CALN1: variants seen among roughly 807,000 people sequenced by gnomAD.
CALN1 encodes the protein calneuron 1.
CALN1 carries 17 observed loss-of-function variants against 30.6 expected under a neutral mutation model. The ratio of observed to expected loss-of-function variants is 0.56; its 90% CI spans 0.38 to 0.83. The LOEUF (loss-of-function observed/expected upper bound fraction) is 0.83. Ranked by LOEUF, CALN1 falls within the 40% of genes least tolerant of loss-of-function variation. The pLI, the probability that CALN1 is intolerant of heterozygous loss-of-function variation, is 0.00. For missense variants in CALN1, 291 were observed against 354.9 expected, an observed-to-expected ratio of 0.82 and a Z score of 1.45; for synonymous variants, 156 against 131.4, an observed-to-expected ratio of 1.19 and a Z score of -1.28.
chr7:72,410,211 T>C (rs574148963), intron 1 of CALN1, among the ~76,000 whole-genome samples: 2 of 152,146 alleles, frequency 1.3e-5, no homozygotes, highest in South Asian at 4.1e-4. Flanking sequence ...AGCTCTTAAA[T>C]ATGTAAGAGA....
At chr7:72,010,578 G>A (rs893437889) in intron 5 of CALN1, among the ~76,000 whole-genome samples, 4 of 152,126 alleles carry the variant, frequency 2.6e-5, no homozygotes, top group Non-Finnish European at 4.4e-5. Flanking sequence ...TTGGGAGGCC[G>A]AGGTGGGCGA....
At chr7:71,888,906 T>C (rs1584452605) in intron 5 of CALN1, among the ~76,000 whole-genome samples, 1 of 152,196 alleles carries the variant, frequency 6.6e-6, no homozygotes, top group Non-Finnish European at 1.5e-5. Flanking sequence ...GAATGAACAA[T>C]GTTCACCTTC....
At chr7:72,046,088 G>T (rs1473579509) in intron 4 of CALN1, among the ~76,000 whole-genome samples, 4 of 151,470 alleles carry the variant, frequency 2.6e-5, no homozygotes, top group Non-Finnish European at 4.4e-5. Flanking sequence ...TGAGGCAGGA[G>T]AATTGCTTGA....
At chr7:71,872,582 C>T (rs1401809789) in intron 5 of CALN1, among the ~76,000 whole-genome samples, 2 of 151,430 alleles carry the variant, frequency 1.3e-5, no homozygotes, top group African/African-American at 4.9e-5. Context: ...TTATGTCTGT[C>T]TCTATTATAT....
chr7:71,806,513 G>A (rs1334919636), intron 6 of CALN1, among the ~76,000 whole-genome samples: 1 of 152,050 alleles, frequency 6.6e-6, no homozygotes, highest in African/African-American at 2.4e-5. Context: ...CATCATATTG[G>A]TCAGGCTGGT....
chr7:71,973,836 T>G (rs1192914793), intron 5 of CALN1, among the ~76,000 whole-genome samples: 1 of 152,156 alleles, frequency 6.6e-6, no homozygotes, highest in Non-Finnish European at 1.5e-5. Context: ...TCCAGAGACT[T>G]TGGCGTTTTA....
At chr7:72,059,607 T>C (rs1803508011) in intron 4 of CALN1, among the ~76,000 whole-genome samples, 1 of 152,118 alleles carries the variant, frequency 6.6e-6, no homozygotes, top group African/African-American at 2.4e-5. Flanking sequence ...GCTTTCAAGG[T>C]TGCAAATGAC....
chr7:71,958,660 G>A (rs1410654968), intron 5 of CALN1, among the ~76,000 whole-genome samples: 3 of 152,154 alleles, frequency 2.0e-5, no homozygotes, highest in African/African-American at 4.8e-5. Flanking sequence ...CTATGTTTGC[G>A]ATCTCCAAGA....
chr7:72,254,320 C>G (rs1038848224), intron 3 of CALN1, among the ~76,000 whole-genome samples: 3 of 152,196 alleles, frequency 2.0e-5, no homozygotes, highest in Admixed American at 1.3e-4. Context: ...TTGCTCAGGA[C>G]TGCATCAAAT....
At chr7:71,826,967 TCAA>T (rs1383839293) in intron 5 of CALN1, among the ~76,000 whole-genome samples, 10 of 152,148 alleles carry the variant, frequency 6.6e-5, no homozygotes, top group Non-Finnish European at 1.5e-4. Context: ...CATGTCAACA[TCAA>T]CAAGGGCTCA....
chr7:72,499,611 A>C, the CALN1 span, among the ~76,000 whole-genome samples: 5 of 152,164 alleles, frequency 3.3e-5, no homozygotes, highest in Non-Finnish European at 7.3e-5. Flanking sequence ...ATATGCAAAT[A>C]ATTGTTCCTT....
chr7:71,924,214 AGATT>A lies in CALN1; in HGVS notation c.501+99439_501+99442del, dbSNP rs1185027512. The stretch of plus-strand genomic sequence containing the variant: ...GTCTCAAAAAAAAAAAAAAAAAAAA[AGATT>A]AGGATTAGGATTTCAGATCTTTTTA... On this transcript the variant is annotated intron_variant, in intron 5 of 6. Transcript: ENST00000395275. Among the ~76,000 whole-genome samples the A allele has an allele frequency of 1.8e-3, 240 of 133,768 alleles. 3 individuals are homozygous for A. Among genetic ancestry groups the A allele is most frequent in the Middle Eastern group, 7.9e-3 (2 of 254 alleles). 87.8% of individuals were successfully genotyped at this position (133,768 alleles called of 152,430 possible). A position where few individuals can be genotyped will look rare whatever the true frequency, so the allele number is the denominator to read the frequency against.
At chr7:72,196,694 A>C (rs886430317) in intron 3 of CALN1, among the ~76,000 whole-genome samples, 5 of 152,254 alleles carry the variant, frequency 3.3e-5, no homozygotes, top group African/African-American at 4.8e-5. Flanking sequence ...CAGCAGGGAG[A>C]AATCGGAATG....
intron 4 of CALN1, among the ~76,000 whole-genome samples, chr7:72,074,940 CA>C (rs1804635858): frequency 6.6e-6 from 1 of 152,132 alleles, no homozygotes; most frequent in Non-Finnish European, 1.5e-5. Flanking sequence ...AAACAGAAGT[CA>C]AAAACTTATT....
At chr7:72,475,113 A>G in the CALN1 span, among the ~76,000 whole-genome samples, 39 of 152,196 alleles carry the variant, frequency 2.6e-4, no homozygotes, top group Non-Finnish European at 5.0e-4. Flanking sequence ...GTCTTATCCA[A>G]TGGAAACCTT....
chr7:71,933,265 T>G lies in CALN1; in HGVS notation c.501+90392A>C, dbSNP rs189292055. On this transcript the variant is annotated intron_variant, in intron 5 of 6. Coordinates refer to ENST00000395275, the MANE Select transcript of CALN1 (RefSeq NM_031468.4). ...TTTGCATAATAAGAGTAGGGTGAGG[T>G]GGCCAGGCTTCCCTGCGTGGTACGT... 9.9e-5 allele frequency among the ~76,000 whole-genome samples: 15 copies of G among 152,142 alleles called. No homozygotes were observed. The South Asian group carries it at 3.1e-3, about 32-fold the overall frequency.
rs573266952 is a variant in CALN1 at position 71,954,412 on chromosome 7, A to G, written c.501+69245T>C. On this transcript the variant is annotated intron_variant, in intron 5 of 6. Transcript: ENST00000395275. Reference sequence around the variant, plus strand: ...GAGATGGAGGTTGCAGTGAGCTGAGATCGTGCCACTGTGCTCCAGCCTGGG... The same window carrying G: ...GAGATGGAGGTTGCAGTGAGCTGAGGTCGTGCCACTGTGCTCCAGCCTGGG... Among the ~76,000 whole-genome samples the G allele has an allele frequency of 2.6e-3, 401 of 152,250 alleles. 1 individual carries two copies. The highest frequency in any genetic ancestry group is 0.017 in the Middle Eastern group (5 of 294).
chr7:71,797,177 G>A (rs938073068), intron 6 of CALN1, among the ~76,000 whole-genome samples: 2 of 152,154 alleles, frequency 1.3e-5, no homozygotes, highest in Non-Finnish European at 2.9e-5. Flanking sequence ...TTCCAAATGA[G>A]GCAAATCAGA....
At chr7:72,369,306 T>C (rs1804073723) in intron 2 of CALN1, among the ~76,000 whole-genome samples, 1 of 146,958 alleles carries the variant, frequency 6.8e-6, no homozygotes, top group Non-Finnish European at 1.5e-5. Flanking sequence ...TATTTATATA[T>C]TTATAAATAT....
Sources: allele counts gnomAD v4.1 joint callset (sites outside exome capture counted in the v4.1 genomes callset), GRCh38; gene constraint gnomAD v4.1.1; transcripts MANE v1.5; gene names NCBI Gene and HGNC (gene_info 2026-07-23, HGNC 2026-07-21).